Variants in KSR1 observed in about 807,000 individuals in gnomAD.
KSR1 encodes the protein kinase suppressor of ras.
A neutral mutation model predicts 92.9 loss-of-function variants in KSR1; 35 were observed. That is an observed-to-expected ratio of 0.38 (90% CI 0.29 to 0.50). The LOEUF (loss-of-function observed/expected upper bound fraction) is 0.50, where lower values mean the gene tolerates loss of function less well. Ranked by LOEUF, KSR1 falls within the 20% of genes least tolerant of loss-of-function variation. The probability of loss-of-function intolerance (pLI) is 0.94; values close to 1 mark genes in which losing one functional copy is unlikely to be tolerated. For missense variants in KSR1, 972 were observed against 1,158.5 expected, an observed-to-expected ratio of 0.84 and a Z score of 2.34; for synonymous variants, 467 against 472.6, an observed-to-expected ratio of 0.99 and a Z score of 0.15.
intron 1 of KSR1, among the ~76,000 whole-genome samples, chr17:27,479,258 C>A (rs2068442813): frequency 1.3e-5 from 2 of 151,402 alleles, no homozygotes; most frequent in African/African-American, 4.9e-5. Flanking sequence ...GCTCCTCTCT[C>A]CCTCCATGCT....
intron 1 of KSR1, among the ~76,000 whole-genome samples, chr17:27,474,785 G>C (rs1357323128): frequency 6.6e-6 from 1 of 152,150 alleles, no homozygotes; most frequent in Non-Finnish European, 1.5e-5. Context: ...TCAGTGTTGG[G>C]AGGAGACATT....
At chr17:27,553,643 TAGC>T (rs1431603646) in intron 2 of KSR1, among the ~76,000 whole-genome samples, 1 of 152,218 alleles carries the variant, frequency 6.6e-6, no homozygotes, top group Non-Finnish European at 1.5e-5. Context: ...AAGGAACCAT[TAGC>T]TGCTGTCATT....
intron 17 of KSR1, 44 bp downstream of exon 17, chr17:27,610,242 A>G (rs780368648): frequency 5.6e-6 from 9 of 1,612,232 alleles, no homozygotes; most frequent in Non-Finnish European, 7.6e-6. Context: ...TGGCCAAAAC[A>G]GAGGGCCCTG....
rs904446091 is a variant in KSR1 at position 27,625,089 on chromosome 17, C to T, written c.*1697C>T. 7 of 152,318 alleles carry T rather than the reference C, an allele frequency of 4.6e-5. No individual in the cohort carries two copies. In the East Asian group the frequency reaches 1.2e-3, roughly 25 times the overall value. 9.4% of individuals were successfully genotyped at this position (152,318 alleles called of 1,614,324 possible). A position where few individuals can be genotyped will look rare whatever the true frequency, so the allele number is the denominator to read the frequency against. On this transcript the variant is annotated 3_prime_UTR_variant, in exon 21 of 21. Transcript: ENST00000644974. ...GTTTCTGTGCTATGGTGGGACTGCT[C>T]ATTTTGCCCCATCATCCCTTTGGCC...
chr17:27,573,455 C>T (rs1473644040), intron 2 of KSR1, among the ~76,000 whole-genome samples: 1 of 152,166 alleles, frequency 6.6e-6, no homozygotes, highest in Admixed American at 6.5e-5. Context: ...AAAGGTTTTT[C>T]TGTATATCAT....
chr17:27,479,188 C>G (rs562414113), intron 1 of KSR1, among the ~76,000 whole-genome samples: 1 of 146,336 alleles, frequency 6.8e-6, no homozygotes. Context: ...ACTTCCCTCC[C>G]TCTATGCTCC....
At chr17:27,621,857 G>C (rs2074232178) in intron 20 of KSR1, 1 of 1,524,656 alleles carries the variant, frequency 6.6e-7, no homozygotes, top group East Asian at 2.3e-5. Flanking sequence ...CAGACCTCTA[G>C]CTCCCGACAG....
intron 1 of KSR1, among the ~76,000 whole-genome samples, chr17:27,524,706 A>C (rs1416539410): frequency 6.6e-6 from 1 of 152,212 alleles, no homozygotes; most frequent in African/African-American, 2.4e-5. Flanking sequence ...AGTAGGTCAA[A>C]ACCTAAAACT....
intron 11 of KSR1, among the ~76,000 whole-genome samples, chr17:27,603,291 G>T (rs142688827): frequency 6.6e-6 from 1 of 152,212 alleles, no homozygotes; most frequent in Admixed American, 6.5e-5. Context: ...ACCTGAAGCC[G>T]AGGGCTCGGG....
chr17:27,537,888 A>G (rs1286305408), intron 1 of KSR1, among the ~76,000 whole-genome samples: 1 of 152,238 alleles, frequency 6.6e-6, no homozygotes, highest in African/African-American at 2.4e-5. Context: ...TAAAAAAGAT[A>G]CAACAATAAA....
chr17:27,594,169 A>G (rs2073261110), intron 9 of KSR1, among the ~76,000 whole-genome samples: 1 of 152,130 alleles, frequency 6.6e-6, no homozygotes, highest in African/African-American at 2.4e-5. Context: ...TCTGAGCCTC[A>G]CTTTCTGCTT....
intron 1 of KSR1, among the ~76,000 whole-genome samples, chr17:27,508,441 G>A (rs984743065): frequency 6.6e-6 from 1 of 152,166 alleles, no homozygotes; most frequent in South Asian, 2.1e-4. Flanking sequence ...AAGGGCCTAA[G>A]TTGTAACATA....
At chr17:27,496,073 C>A (rs1044028450) in intron 1 of KSR1, among the ~76,000 whole-genome samples, 2 of 152,224 alleles carry the variant, frequency 1.3e-5, no homozygotes, top group Non-Finnish European at 2.9e-5. Context: ...TTGTTGGGAC[C>A]TCATGGGCCA....
intron 2 of KSR1, among the ~76,000 whole-genome samples, chr17:27,573,323 G>A (rs1354720567): frequency 6.6e-6 from 1 of 152,210 alleles, no homozygotes; most frequent in African/African-American, 2.4e-5. Context: ...GAGGAAAGCG[G>A]GGGTTTTCTG....
chr17:27,552,339 G>A (rs1244204050), intron 2 of KSR1, among the ~76,000 whole-genome samples: 1 of 152,134 alleles, frequency 6.6e-6, no homozygotes, highest in Non-Finnish European at 1.5e-5. Flanking sequence ...GCCCAATATG[G>A]CAGTTGCTTG....
At chr17:27,622,946 G>T in intron 20 of KSR1, 1 of 277,004 alleles carries the variant, frequency 3.6e-6, no homozygotes. Flanking sequence ...AACATGCCCT[G>T]TCACTCCTGG....
chr17:27,558,242 A>G (rs559956958), intron 2 of KSR1: 1 of 149,638 alleles, frequency 6.7e-6, no homozygotes, highest in Non-Finnish European at 1.5e-5. Context: ...ACTTAAAATG[A>G]CGTGCAAATT....
At chr17:27,534,069 T>C (rs1054524321) in intron 1 of KSR1, among the ~76,000 whole-genome samples, 1 of 152,250 alleles carries the variant, frequency 6.6e-6, no homozygotes. Flanking sequence ...TTCTTCAGGC[T>C]GTGTGCATCT....
chr17:27,593,215 A>G (rs997370415), intron 9 of KSR1, among the ~76,000 whole-genome samples: 3 of 152,246 alleles, frequency 2.0e-5, no homozygotes, highest in African/African-American at 7.2e-5. Flanking sequence ...CTCTGCAGCT[A>G]GACAGAGTCT....
Sources: gnomAD v4.1 joint callset for allele counts (sites outside exome capture counted in the v4.1 genomes callset) on GRCh38, gnomAD v4.1.1 for gene constraint, MANE v1.5 for transcripts, NCBI Gene and HGNC (gene_info 2026-07-23, HGNC 2026-07-21) for gene names.